The following USH2A variants were observed in gnomAD, a reference collection of about 807,000 sequenced individuals.
USH2A encodes Usher syndrome 2A (autosomal recessive, mild).
In USH2A, 443 loss-of-function variants were observed where a neutral mutation model predicts 538.9. That is an observed-to-expected ratio of 0.82 (90% confidence interval 0.76 to 0.89). The LOEUF (loss-of-function observed/expected upper bound fraction) is 0.89, where lower values mean the gene tolerates loss of function less well. Among genes scored for constraint, USH2A ranks in the 40% least tolerant of loss-of-function variants. USH2A has a pLI of 0.00. For missense variants in USH2A, 6,633 were observed against 6,324.8 expected (o/e 1.05, Z -1.65); for synonymous variants, 2,413 against 2,273.5 (o/e 1.06, Z -1.75).
chr1:215,742,271 T>C (rs2102726493), intron 59 of USH2A, among the ~76,000 whole-genome samples: 1 of 152,258 alleles, frequency 6.6e-6, no homozygotes, highest in African/African-American at 2.4e-5. Flanking sequence ...CAGAAATTCC[T>C]AAGGACATTC....
chr1:216,137,527 A>G (rs2033510019), intron 21 of USH2A, among the ~76,000 whole-genome samples: 1 of 152,200 alleles, frequency 6.6e-6, no homozygotes, highest in African/African-American at 2.4e-5. Flanking sequence ...GGCCGCCTGC[A>G]GACCGAGGAG....
intron 14 of USH2A, among the ~76,000 whole-genome samples, chr1:216,224,900 TTAA>T (rs1370765733): frequency 6.6e-6 from 1 of 152,162 alleles, no homozygotes; most frequent in Non-Finnish European, 1.5e-5. Flanking sequence ...ATTTTGAAAA[TTAA>T]TGTTTTAATT....
intron 60 of USH2A, among the ~76,000 whole-genome samples, chr1:215,738,695 T>G (rs1425788042): frequency 2.0e-5 from 3 of 152,092 alleles, no homozygotes; most frequent in Non-Finnish European, 4.4e-5. Context: ...GGCAAACAAT[T>G]TCAAATGAGA....
At position 216,027,619 on chromosome 1, in the gene USH2A, TG is replaced by T. The variant is rs1465261267; in HGVS notation, c.6325+18811del. Among the ~76,000 whole-genome samples, 13 of 152,292 alleles carry T rather than the reference TG, an allele frequency of 8.5e-5. No homozygotes were observed. The East Asian group carries it at 2.5e-3, about 29-fold the overall frequency. On this transcript the variant is annotated intron_variant, in intron 32 of 71. Transcript: ENST00000307340. Reference sequence around the variant, plus strand: ...CTTTTCTTTACTGACTTGGAAGAAATGGCCCCCTCTTTATCAATGCTACACT... The same window carrying T: ...CTTTTCTTTACTGACTTGGAAGAAATGCCCCCTCTTTATCAATGCTACACT...
At chr1:215,849,126 T>C (rs1408868941) in intron 44 of USH2A, among the ~76,000 whole-genome samples, 1 of 152,126 alleles carries the variant, frequency 6.6e-6, no homozygotes, top group Non-Finnish European at 1.5e-5. Context: ...TAGAAAAACA[T>C]AAGTTACAAG....
chr1:216,350,990 T>C (rs2038271302), intron 4 of USH2A, among the ~76,000 whole-genome samples: 2 of 152,130 alleles, frequency 1.3e-5, no homozygotes, highest in South Asian at 4.1e-4. Context: ...AGGCAGAGGC[T>C]CCCAAGCTTC....
chr1:216,324,046 A>G (rs1256837274), intron 7 of USH2A, 122 bp downstream of exon 7: 1 of 1,086,220 alleles, frequency 9.2e-7, no homozygotes, highest in Non-Finnish European at 1.3e-6. Flanking sequence ...AAGACTTAGG[A>G]GAATCTGCCT....
intron 14 of USH2A, among the ~76,000 whole-genome samples, chr1:216,229,684 C>G (rs1331998164): frequency 6.6e-6 from 1 of 152,162 alleles, no homozygotes; most frequent in Admixed American, 6.6e-5. Context: ...TTTGGTCCTT[C>G]CTATTCCTTA....
At chr1:216,219,010 G>GTA (rs1284977728) in intron 14 of USH2A, among the ~76,000 whole-genome samples, 1 of 124,166 alleles carries the variant, frequency 8.1e-6, no homozygotes, top group Non-Finnish European at 1.7e-5. Flanking sequence ...GTGTGTGTGT[G>GTA]TATATATGTA....
At chr1:216,313,824 C>A (rs2037463286) in intron 9 of USH2A, among the ~76,000 whole-genome samples, 1 of 152,136 alleles carries the variant, frequency 6.6e-6, no homozygotes, top group South Asian at 2.1e-4. Context: ...CTTCTCTCTG[C>A]ATTTCAAAGG....
chr1:216,287,970 G>C (rs191348229), intron 11 of USH2A, among the ~76,000 whole-genome samples: 1 of 152,170 alleles, frequency 6.6e-6, no homozygotes, highest in East Asian at 1.9e-4. Flanking sequence ...GATCGAAACT[G>C]TTCTGTTTAT....
At chr1:216,017,407 G>C (rs1175489840) in intron 32 of USH2A, among the ~76,000 whole-genome samples, 1 of 152,170 alleles carries the variant, frequency 6.6e-6, no homozygotes, top group Non-Finnish European at 1.5e-5. Flanking sequence ...ACTTTATAGA[G>C]TTATTATTTG....
At chr1:215,795,701 G>T (rs1389406495) in intron 50 of USH2A, among the ~76,000 whole-genome samples, 1 of 152,072 alleles carries the variant, frequency 6.6e-6, no homozygotes, top group Non-Finnish European at 1.5e-5. Flanking sequence ...CCTGTTATTA[G>T]CTACTTCATC....
chr1:216,260,091 C>T (rs2036338636), intron 11 of USH2A, among the ~76,000 whole-genome samples: 1 of 151,700 alleles, frequency 6.6e-6, no homozygotes, highest in South Asian at 2.1e-4. Flanking sequence ...CAAGCATGTG[C>T]CTTTTCCTCT....
intron 11 of USH2A, among the ~76,000 whole-genome samples, chr1:216,261,449 C>CAAA (rs200708104): frequency 1.2e-5 from 1 of 81,390 alleles, no homozygotes; most frequent in Admixed American, 1.4e-4. Flanking sequence ...ATTCTATATC[C>CAAA]AAAAAAAAAA....
At chr1:215,726,356 T>C (rs1280107983) in intron 61 of USH2A, among the ~76,000 whole-genome samples, 1 of 152,154 alleles carries the variant, frequency 6.6e-6, no homozygotes, top group African/African-American at 2.4e-5. Context: ...AATAAAAATA[T>C]AGTACTAATT....
chr1:216,312,390 T>C (rs1247873812), intron 9 of USH2A, among the ~76,000 whole-genome samples: 1 of 152,152 alleles, frequency 6.6e-6, no homozygotes, highest in Non-Finnish European at 1.5e-5. Context: ...ATTTCTTCTG[T>C]TCCTTTCTCT....
At chr1:215,759,406 ACTT>A (rs1365703782) in intron 57 of USH2A, among the ~76,000 whole-genome samples, 2 of 152,060 alleles carry the variant, frequency 1.3e-5, no homozygotes, top group Non-Finnish European at 2.9e-5. Context: ...AAAGTTTAAT[ACTT>A]CATGTATTTT....
intron 67 of USH2A, among the ~76,000 whole-genome samples, chr1:215,645,509 T>C (rs1042052047): frequency 2.2e-4 from 33 of 152,200 alleles, no homozygotes; most frequent in African/African-American, 8.0e-4. Flanking sequence ...AGTTTTTTCA[T>C]CTGTAAATTT....
Sources: allele counts gnomAD v4.1 joint callset (sites outside exome capture counted in the v4.1 genomes callset), GRCh38; gene constraint gnomAD v4.1.1; transcripts MANE v1.5; gene names NCBI Gene and HGNC (gene_info 2026-07-23, HGNC 2026-07-21).